MRC1: variants seen among roughly 807,000 people sequenced by gnomAD.
MRC1 encodes macrophage mannose receptor 1.
Under a neutral mutation model 102.9 loss-of-function variants are expected in MRC1, and 62 were observed. The observed-to-expected ratio is 0.60, with a 90% CI of 0.49 to 0.74. The LOEUF is 0.74. MRC1 is among the 30% of genes least tolerant of loss of function. The pLI, the probability that MRC1 is intolerant of heterozygous loss-of-function variation, is 0.00. For synonymous variants in MRC1, 457 were observed against 298.4 expected (o/e 1.53, Z -5.48); for missense variants, 1,237 against 862.8 (o/e 1.43, Z -5.43).
intron 1 of MRC1, among the ~76,000 whole-genome samples, chr10:17,812,105 A>G (rs1005860478): frequency 1.3e-5 from 2 of 152,112 alleles, no homozygotes; most frequent in East Asian, 1.9e-4. Flanking sequence ...CACCTTCAGG[A>G]GAGCATCCCA....
intron 4 of MRC1, among the ~76,000 whole-genome samples, chr10:17,840,150 T>A (rs1343127705): frequency 0.069 from 10,399 of 151,784 alleles, 971 homozygotes; most frequent in African/African-American, 0.21. Context: ...TCTGGTTTTA[T>A]GACTTCCACA....
chr10:17,821,777 T>G (rs1028787789), intron 1 of MRC1, among the ~76,000 whole-genome samples: 50 of 152,270 alleles, frequency 3.3e-4, no homozygotes, highest in Non-Finnish European at 5.6e-4. Context: ...ACGCTACTAG[T>G]GGTATGATTC....
intron 22 of MRC1, among the ~76,000 whole-genome samples, chr10:17,889,515 C>T (rs1424014585): frequency 6.6e-6 from 1 of 152,170 alleles, no homozygotes; most frequent in Non-Finnish European, 1.5e-5. Flanking sequence ...ATCCTCCTAC[C>T]TTGGCCTCCC....
intron 17 of MRC1, among the ~76,000 whole-genome samples, chr10:17,877,191 C>T (rs1833448340): frequency 6.7e-6 from 1 of 148,210 alleles, no homozygotes; most frequent in Admixed American, 6.8e-5. Context: ...CATGTTCTCC[C>T]AAGTTTGAAG....
intron 9 of MRC1, among the ~76,000 whole-genome samples, chr10:17,856,621 A>G (rs1833096954): frequency 1.3e-5 from 2 of 152,152 alleles, no homozygotes; most frequent in Admixed American, 1.3e-4. Flanking sequence ...GGAACTAAAA[A>G]TGGCACATCA....
intron 22 of MRC1, 71 bp downstream of exon 22, chr10:17,885,506 T>G: frequency 1.3e-6 from 1 of 759,504 alleles, no homozygotes; most frequent in Non-Finnish European, 2.5e-6. Context: ...TATTGATTAC[T>G]GTTCCATGAA....
At chr10:17,823,043 C>G in intron 1 of MRC1, 31 bp from the exon 2 acceptor site, 1 of 780,348 alleles carries the variant, frequency 1.3e-6, no homozygotes, top group Non-Finnish European at 2.4e-6. Flanking sequence ...TTGCTTTCTT[C>G]TTCTTTTCCT....
Position 17,875,075 on chromosome 10 carries a change from T to A in MRC1, c.2387-15T>A. On this transcript the variant is annotated splice_polypyrimidine_tract_variant and intron_variant, in intron 16 of 29. Coordinates refer to ENST00000569591, the MANE Select transcript of MRC1 (RefSeq NM_002438.4). ...TCTGCATAAAACTCATTGCCTTTTCTCATTAACTTTTCAGATCCACCAGTT... is the reference window on the plus strand; with the variant it reads ...TCTGCATAAAACTCATTGCCTTTTCACATTAACTTTTCAGATCCACCAGTT... 1 of 780,806 alleles carries A rather than the reference T, an allele frequency of 1.3e-6. No homozygotes were observed. The highest frequency in any genetic ancestry group is 2.4e-5 in the East Asian group (1 of 41,246). 48.4% of individuals were successfully genotyped at this position (780,806 alleles called of 1,614,324 possible). A position where few individuals can be genotyped will look rare whatever the true frequency, so the allele number is the denominator to read the frequency against.
At chr10:17,894,394 C>CTTTT (rs34625338) in intron 23 of MRC1, 82 bp downstream of exon 23, 1,264 of 405,610 alleles carry the variant, frequency 3.1e-3, no homozygotes, top group African/African-American at 7.2e-3. Flanking sequence ...TTCTTTCTTT[C>CTTTT]TTTTTTTTTT....
intron 21 of MRC1, among the ~76,000 whole-genome samples, chr10:17,884,725 C>T (rs1833566441): frequency 6.6e-6 from 1 of 152,222 alleles, no homozygotes; most frequent in African/African-American, 2.4e-5. Flanking sequence ...CCTAGTCCCA[C>T]CCTTAATACA....
intron 24 of MRC1, among the ~76,000 whole-genome samples, chr10:17,899,161 G>C (rs1488835013): frequency 6.6e-6 from 1 of 151,940 alleles, no homozygotes; most frequent in Admixed American, 6.6e-5. Flanking sequence ...ATGTTATGAA[G>C]CTTCCAAGGC....
chr10:17,880,420 C>T (rs1274893555), intron 19 of MRC1, 105 bp from the exon 20 acceptor site: 7 of 742,712 alleles, frequency 9.4e-6, no homozygotes, highest in Admixed American at 1.8e-5. Flanking sequence ...TGATTATAGT[C>T]TAAATAAGTT....
In MRC1 at chr10:17,909,356, A is replaced by G. The variant is rs1270368598; in HGVS notation, c.4120+9A>G. ...ATTACTTACAACAAAAGGTAAGGCC[A>G]TTGCAAAATTTCAAGTTCTGTGTTA... On this transcript the variant is annotated intron_variant, in intron 29 of 29. Coordinates refer to ENST00000569591, the MANE Select transcript of MRC1 (RefSeq NM_002438.4). The G allele has an allele frequency of 1.1e-6, 1 of 871,384 alleles. No individual in the cohort carries two copies. Among genetic ancestry groups the G allele is most frequent in the South Asian group, 1.3e-5 (1 of 76,456 alleles). 54.0% of individuals were successfully genotyped at this position (871,384 alleles called of 1,614,324 possible).
At position 17,906,925 on chromosome 10, in the gene MRC1, G is replaced by T; in HGVS notation, c.3839G>T (p.Ser1280Ile). ...TCCATTGAAAGTGCTGCAGAATCCA[G>T]TTTTCTGTCATATCGGGTTGAGCCA... ...LVSIESAAES[S>I]FLSYRVEPLK... is the part of the protein sequence containing the mutation. The change falls in exon 27 of 30, where the codon AGT (serine) becomes ATT (isoleucine). Residue 1280 changes from serine (S) to isoleucine (I), a missense_variant. Coordinates refer to ENST00000569591, the MANE Select transcript of MRC1 (RefSeq NM_002438.4). The T allele has an allele frequency of 1.2e-6, 1 of 821,908 alleles. No individual in the cohort carries two copies. 50.9% of individuals were successfully genotyped at this position (821,908 alleles called of 1,614,324 possible). A position where few individuals can be genotyped will look rare whatever the true frequency, so the allele number is the denominator to read the frequency against.
At position 17,858,923 on chromosome 10, in the gene MRC1, C is replaced by T. The variant is rs995127488; in HGVS notation, c.1519-2464C>T. Among the ~76,000 whole-genome samples, 11 of 152,198 alleles carry T rather than the reference C, an allele frequency of 7.2e-5. No homozygotes were observed. The East Asian group carries it at 9.6e-4, about 13-fold the overall frequency. On this transcript the variant is annotated intron_variant, in intron 9 of 29. Coordinates refer to ENST00000569591, the MANE Select transcript of MRC1 (RefSeq NM_002438.4). Reference sequence around the variant, plus strand: ...TGAAACTTCTGAAACTTATTATAGGCGGTTGTTCAACCTTCTCATTCTATT... The same window carrying T: ...TGAAACTTCTGAAACTTATTATAGGTGGTTGTTCAACCTTCTCATTCTATT...
At chr10:17,817,730 C>T (rs1325571626) in intron 1 of MRC1, among the ~76,000 whole-genome samples, 2 of 152,000 alleles carry the variant, frequency 1.3e-5, no homozygotes, top group Non-Finnish European at 2.9e-5. Context: ...TCGACTGTGT[C>T]GATCTGTTCA....
At position 17,840,754 on chromosome 10, in the gene MRC1, C is replaced by T. The variant is rs782286505; in HGVS notation, c.864C>T (p.Ser288=). ...WIGLNSLSFN[S]GWQWSDRSPF... The stretch of plus-strand genomic sequence containing the variant: ...GACTTAACAGTCTGAGCTTCAACAG[C>T]GGTTGGCAGTGGAGTGACCGCAGTC... Residue 288 remains serine (S), a synonymous_variant, in exon 5 of 30, where the codon AGC becomes AGT. Transcript: ENST00000569591. 7.4e-5 allele frequency: 58 copies of T among 780,750 alleles called. No homozygotes were observed. Among genetic ancestry groups the T allele is most frequent in the South Asian group, 4.4e-4 (33 of 74,622 alleles). The allele number at this position is 780,750 out of a possible 1,614,324, so 48.4% of individuals were successfully genotyped here.
At chr10:17,895,746 G>C (rs1833745517) in intron 23 of MRC1, among the ~76,000 whole-genome samples, 1 of 152,178 alleles carries the variant, frequency 6.6e-6, no homozygotes, top group South Asian at 2.1e-4. Flanking sequence ...CCCGAAATTG[G>C]GGCTTACCCC....
At chr10:17,857,934 A>T (rs919598030) in intron 9 of MRC1, among the ~76,000 whole-genome samples, 1 of 152,230 alleles carries the variant, frequency 6.6e-6, no homozygotes, top group Non-Finnish European at 1.5e-5. Context: ...GATTCCTGAC[A>T]TATATAAATG....
Sources: allele counts gnomAD v4.1 joint callset (sites outside exome capture counted in the v4.1 genomes callset), GRCh38; gene constraint gnomAD v4.1.1; transcripts MANE v1.5; gene names NCBI Gene and HGNC (gene_info 2026-07-23, HGNC 2026-07-21).